ADCK5: variants seen among roughly 807,000 people sequenced by gnomAD.
ADCK5 encodes aarF domain containing kinase 5, also known as uncharacterized aarF domain-containing protein kinase 5.
In ADCK5, 43 loss-of-function variants were observed where a neutral mutation model predicts 64.9. The ratio of observed to expected loss-of-function variants is 0.66; its 90% CI spans 0.52 to 0.85. The LOEUF (loss-of-function observed/expected upper bound fraction) is 0.85, where lower values mean the gene tolerates loss of function less well. ADCK5 is among the 40% of genes least tolerant of loss of function. The probability of loss-of-function intolerance (pLI) is 0.00; values close to 1 mark genes in which losing one functional copy is unlikely to be tolerated. For synonymous variants in ADCK5, 434 were observed against 342.8 expected, an observed-to-expected ratio of 1.27 and a Z score of -2.94; for missense variants, 760 against 810.5, an observed-to-expected ratio of 0.94 and a Z score of 0.76.
intron 2 of ADCK5, 23 bp downstream of exon 2, chr8:144,379,513 G>A (rs1554857748): frequency 6.4e-7 from 1 of 1,554,270 alleles, no homozygotes. Context: ...CCACGGGCAT[G>A]CGCCTCTCAC....
At chr8:144,387,519 A>C (rs577090358) in intron 3 of ADCK5, among the ~76,000 whole-genome samples, 1 of 152,146 alleles carries the variant, frequency 6.6e-6, no homozygotes, top group East Asian at 1.9e-4. Context: ...TCCCAGCCCC[A>C]GTCTCCCCAG....
At position 144,393,165 on chromosome 8, in the gene ADCK5, G is replaced by C; in HGVS notation, c.*91G>C. ...GGTGTAGACACCCCGAGCCCCGTGG[G>C]CACTCGCACTGGGGGGCTGTGACAG... On this transcript the variant is annotated 3_prime_UTR_variant, in exon 15 of 15. Coordinates refer to ENST00000308860, the MANE Select transcript of ADCK5 (RefSeq NM_174922.5). The C allele has an allele frequency of 7.3e-7, 1 of 1,368,656 alleles. No individual in the cohort carries two copies. Among genetic ancestry groups the C allele is most frequent in the East Asian group, 2.5e-5 (1 of 39,692 alleles). The allele number at this position is 1,368,656 out of a possible 1,614,324, so 84.8% of individuals were successfully genotyped here.
rs372874061 is a variant in ADCK5, at chr8:144,391,067, G to A, written c.543+11G>A. On this transcript the variant is annotated intron_variant, in intron 5 of 14. Coordinates refer to ENST00000308860, the MANE Select transcript of ADCK5 (RefSeq NM_174922.5). ...CGGGGCTTCCAGGAGGTGAGTGTGC[G>A]CTCAGGCCGAGGGAGGTGGGGCCTC... The A allele has an allele frequency of 9.7e-5, 157 of 1,611,334 alleles. 1 individual carries two copies. The highest frequency in any genetic ancestry group is 3.3e-4 in the Middle Eastern group (2 of 6,084).
chr8:144,386,693 C>T (rs1312609652), intron 3 of ADCK5, among the ~76,000 whole-genome samples: 3 of 152,114 alleles, frequency 2.0e-5, no homozygotes, highest in Non-Finnish European at 4.4e-5. Flanking sequence ...AATACTTGGG[C>T]GGGATTGATT....
At position 144,384,250 on chromosome 8, in the gene ADCK5, G is replaced by C. The variant is rs1241282980; in HGVS notation, c.266+1020G>C. Among the ~76,000 whole-genome samples the C allele has an allele frequency of 1.3e-5, 2 of 152,024 alleles. No individual in the cohort carries two copies. Among genetic ancestry groups the C allele is most frequent in the Admixed American group, 1.3e-4 (2 of 15,260 alleles). ...TTGAATGGAGCGTCAGGGCAGGAAG[G>C]AGGCAGGGAGGGTGTGGTCCTGTTC... is the stretch of plus-strand genomic sequence containing the variant. On this transcript the variant is annotated intron_variant, in intron 3 of 14. Coordinates refer to ENST00000308860, the MANE Select transcript of ADCK5 (RefSeq NM_174922.5). The surrounding 1 kb of genome is among the most constrained non-coding windows in gnomAD (Gnocchi z 5.7).
At chr8:144,385,249 A>ATCTCAGC (rs1819864065) in intron 3 of ADCK5, among the ~76,000 whole-genome samples, 1 of 146,624 alleles carries the variant, frequency 6.8e-6, no homozygotes, top group Non-Finnish European at 1.5e-5. Flanking sequence ...CAGTGGTGCG[A>ATCTCAGC]TCTCAGCTCA....
chr8:144,392,628 T>C lies in ADCK5; in HGVS notation c.1451T>C (p.Ile484Thr). The C allele has an allele frequency of 6.3e-7, 1 of 1,593,592 alleles. No homozygotes were observed. Among genetic ancestry groups the C allele is most frequent in the Non-Finnish European group, 8.5e-7 (1 of 1,173,694 alleles). ...CCCATGCTGCTGGTGCTGCGCAACA[T>C]CAACACCGTGCGCGCTATCAACGTG... ...PRPMLLVLRN[I>T]NTVRAINVAL... Residue 484 changes from isoleucine to threonine, a missense_variant, in exon 13 of 15, where the codon ATC becomes ACC. Ile to Thr is a moderately conservative substitution (Grantham distance 89). This residue lies in a region of ADCK5 where 333 missense variants were observed against 292.0 expected (regional missense o/e 1.14). Transcript: ENST00000308860.
At chr8:144,374,402 G>A (rs1489622441) in intron 1 of ADCK5, among the ~76,000 whole-genome samples, 1 of 152,126 alleles carries the variant, frequency 6.6e-6, no homozygotes, top group African/African-American at 2.4e-5. Context: ...TCGCCGTGTT[G>A]CTCAGGCTGG....
chr8:144,389,555 G>A (rs181311854), intron 3 of ADCK5, among the ~76,000 whole-genome samples: 1 of 152,308 alleles, frequency 6.6e-6, no homozygotes, highest in Non-Finnish European at 1.5e-5. Flanking sequence ...TGTTTTTTGA[G>A]ACGGAGTCTC....
At position 144,384,856 on chromosome 8, in the gene ADCK5, CTGT is replaced by C. The variant is rs1554858997; in HGVS notation, c.266+1631_266+1633del. ...GAGCTGGGGTTGCAGGGAGGGACCTCTGTTGTTAATTTTCCCAGCAGTCTGCAC... is the reference window on the plus strand; with the variant it reads ...GAGCTGGGGTTGCAGGGAGGGACCTCTGTTAATTTTCCCAGCAGTCTGCAC... On this transcript the variant is annotated intron_variant, in intron 3 of 14. Coordinates refer to ENST00000308860, the MANE Select transcript of ADCK5 (RefSeq NM_174922.5). This position sits in a 1 kb window ranked among gnomAD's most constrained non-coding sequence, Gnocchi z 5.7. Among the ~76,000 whole-genome samples the C allele has an allele frequency of 6.6e-6, 1 of 152,158 alleles. No individual in the cohort carries two copies. The highest frequency in any genetic ancestry group is 1.9e-4 in the East Asian group (1 of 5,196).
At chr8:144,391,519 G>C (rs1554860596) in intron 7 of ADCK5, 45 bp downstream of exon 7, 1 of 1,589,250 alleles carries the variant, frequency 6.3e-7, no homozygotes, top group African/African-American at 1.4e-5. Context: ...AAACACGTAG[G>C]CAGAGCTGGT....
Position 144,392,449 on chromosome 8 carries a change from C to T in ADCK5, c.1272C>T (p.Tyr424=), listed in dbSNP as rs1444850091. The T allele has an allele frequency of 4.8e-6, 5 of 1,044,914 alleles. No homozygotes were observed. Among genetic ancestry groups the T allele is most frequent in the South Asian group, 2.7e-5 (2 of 73,054 alleles). The allele number at this position is 1,044,914 out of a possible 1,614,324, so 64.7% of individuals were successfully genotyped here. The change falls in exon 13 of 15, where the codon TAC becomes TAT. Residue 424 remains tyrosine (Y), a synonymous_variant. Coordinates refer to ENST00000308860, the MANE Select transcript of ADCK5 (RefSeq NM_174922.5). Reference sequence around the variant, plus strand: ...CCTCCCTCCCTCCCTCCCCAGACTACCTCCTGTTCGCCGAGATGCTCATGC... The same window carrying T: ...CCTCCCTCCCTCCCTCCCCAGACTATCTCCTGTTCGCCGAGATGCTCATGC... The part of the protein sequence containing the change: ...AHAAALGVQD[Y]LLFAEMLMQR...
Position 144,392,442 on chromosome 8 carries a change from C to CCA in ADCK5, c.1268-3_1268-2insCA. 6.7e-7 allele frequency: 1 copy of CCA among 1,501,186 alleles called. No individual in the cohort carries two copies. The highest frequency in any genetic ancestry group is 8.9e-7 in the Non-Finnish European group (1 of 1,125,236). The allele number at this position is 1,501,186 out of a possible 1,614,324, so 93.0% of individuals were successfully genotyped here. A position where few individuals can be genotyped will look rare whatever the true frequency, so the allele number is the denominator to read the frequency against. ...CTCCCTCCCTCCCTCCCTCCCTCCC[C>CCA]AGACTACCTCCTGTTCGCCGAGATG... On this transcript the variant is annotated splice_region_variant and splice_polypyrimidine_tract_variant and intron_variant, in intron 12 of 14. Transcript: ENST00000308860.
intron 1 of ADCK5, chr8:144,375,488 C>T (rs1819325890): frequency 3.0e-6 from 3 of 985,354 alleles, no homozygotes; most frequent in African/African-American, 3.5e-5. Flanking sequence ...TTCTGAGACT[C>T]GGCAGTTGCT....
At chr8:144,375,634 C>T (rs1305477212) in intron 1 of ADCK5, 1 of 985,348 alleles carries the variant, frequency 1.0e-6, no homozygotes, top group Non-Finnish European at 1.2e-6. Context: ...TTCATGATAC[C>T]TGTGTGAGTG....
Position 144,392,356 on chromosome 8 carries a change from G to A in ADCK5, c.1267+11G>A. ...CACTGGGGGTGCAAGGTGAGGGCGT[G>A]CGGGGATGGCTGGGGCACCACAGAA... is the stretch of plus-strand genomic sequence containing the variant. On this transcript the variant is annotated intron_variant, in intron 12 of 14. Coordinates refer to ENST00000308860, the MANE Select transcript of ADCK5 (RefSeq NM_174922.5). 6.7e-7 allele frequency: 1 copy of A among 1,489,304 alleles called. No homozygotes were observed. Among genetic ancestry groups the A allele is most frequent in the South Asian group, 1.3e-5 (1 of 75,984 alleles). The allele number at this position is 1,489,304 out of a possible 1,614,324, so 92.3% of individuals were successfully genotyped here.
intron 1 of ADCK5, among the ~76,000 whole-genome samples, chr8:144,378,767 T>C (rs1819477043): frequency 6.6e-6 from 1 of 151,882 alleles, no homozygotes; most frequent in Admixed American, 6.6e-5. Context: ...TAGTCCCAGC[T>C]ACTCGGGGGG....
intron 3 of ADCK5, among the ~76,000 whole-genome samples, chr8:144,386,467 C>T (rs905541872): frequency 3.9e-5 from 6 of 151,970 alleles, no homozygotes; most frequent in Non-Finnish European, 8.8e-5. Context: ...AAGCGATTCT[C>T]CTGTCTTAGC....
intron 9 of ADCK5, 33 bp from the exon 10 acceptor site, chr8:144,391,908 C>T: frequency 6.2e-7 from 1 of 1,610,998 alleles, no homozygotes. Context: ...CGGGCTGGTG[C>T]TGTGTCCACT....
Sources: gnomAD v4.1 joint callset for allele counts (sites outside exome capture counted in the v4.1 genomes callset) on GRCh38, gnomAD v4.1.1 for gene constraint, gnomAD v4.1.1 regional missense constraint, Gnocchi (gnomAD v3.1) non-coding constraint, MANE v1.5 for transcripts, NCBI Gene and HGNC (gene_info 2026-07-23, HGNC 2026-07-21) for gene names.